Variants in ABCC4 observed in about 807,000 individuals in gnomAD.
ABCC4 encodes ATP-binding cassette sub-family C member 4.
A neutral mutation model predicts 168.5 loss-of-function variants in ABCC4; 102 were observed. That is an observed-to-expected ratio of 0.61 (90% CI 0.52 to 0.71). ABCC4 has a LOEUF of 0.71. Ranked by LOEUF, ABCC4 falls within the 30% of genes least tolerant of loss-of-function variation. ABCC4 has a pLI of 0.00. For synonymous variants in ABCC4, 617 were observed against 590.7 expected (o/e 1.04, Z -0.65); for missense variants, 1,402 against 1,605.8 (o/e 0.87, Z 2.17).
chr13:95,289,973 A>G (rs1008130318), intron 1 of ABCC4, among the ~76,000 whole-genome samples: 2 of 151,998 alleles, frequency 1.3e-5, no homozygotes, highest in African/African-American at 4.8e-5. Flanking sequence ...GCGCATGCCT[A>G]TAATCCCAGC....
intron 19 of ABCC4, among the ~76,000 whole-genome samples, chr13:95,157,575 GCT>G (rs1241853937): frequency 1.3e-5 from 2 of 152,022 alleles, no homozygotes; most frequent in Non-Finnish European, 2.9e-5. Context: ...GAGAGAACTG[GCT>G]CTTGTCATTC....
Position 95,044,346 on chromosome 13 carries a change from T to C in ABCC4, c.3549A>G (p.Gln1183=), listed in dbSNP as rs757880054. ...GAATTGCCCTGGCAAGGCACACCAG[T>C]TGTCTTTGTCCAACACTAAAATTGG... is the stretch of plus-strand genomic sequence containing the variant. The part of the protein sequence containing the change: ...SGSNFSVGQR[Q]LVCLARAILR... The change falls in exon 28 of 31, where the codon CAA becomes CAG. Residue 1183 remains glutamine (Q), a synonymous_variant. Transcript: ENST00000645237. 1.2e-6 allele frequency: 2 copies of C among 1,613,896 alleles called. No individual in the cohort carries two copies. The highest frequency in any genetic ancestry group is 1.7e-6 in the Non-Finnish European group (2 of 1,179,926).
At chr13:95,193,130 G>C (rs1840878259) in intron 9 of ABCC4, among the ~76,000 whole-genome samples, 1 of 151,684 alleles carries the variant, frequency 6.6e-6, no homozygotes, top group Non-Finnish European at 1.5e-5. Flanking sequence ...AGAGCCAAGG[G>C]CATGTAGAGA....
Position 95,219,001 on chromosome 13 carries a change from A to C in ABCC4, c.532-8220T>G, listed in dbSNP as rs13378148. The stretch of plus-strand genomic sequence containing the variant: ...AGAAAGAAAGAGTGAGAAAGAAAGA[A>C]AGAGTGAGAAAGAAAGGAAGGAAGG... On this transcript the variant is annotated intron_variant, in intron 4 of 30. Coordinates refer to ENST00000645237, the MANE Select transcript of ABCC4 (RefSeq NM_005845.5). 3.5e-5 allele frequency among the ~76,000 whole-genome samples: 4 copies of C among 115,602 alleles called. 1 individual carries two copies. In the South Asian group the frequency reaches 1.2e-3, roughly 35 times the overall value. The allele number at this position is 115,602 out of a possible 152,430, so 75.8% of individuals were successfully genotyped here. A position where few individuals can be genotyped will look rare whatever the true frequency, so the allele number is the denominator to read the frequency against.
rs1216589384 is a variant in ABCC4 at position 95,021,232 on chromosome 13, A to C, written c.*343T>G. 5.3e-6 allele frequency: 1 copy of C among 188,702 alleles called. No individual in the cohort carries two copies. Among genetic ancestry groups the C allele is most frequent in the Non-Finnish European group, 1.1e-5 (1 of 92,478 alleles). 11.7% of individuals were successfully genotyped at this position (188,702 alleles called of 1,614,324 possible). A position where few individuals can be genotyped will look rare whatever the true frequency, so the allele number is the denominator to read the frequency against. ...GAAATTAACATGTAATTTTGGGGGC[A>C]ATAAAAACAACAACAAAAACCTGTG... On this transcript the variant is annotated 3_prime_UTR_variant, in exon 31 of 31. Transcript: ENST00000645237.
chr13:95,066,762 C>T (rs140892639), intron 25 of ABCC4, among the ~76,000 whole-genome samples: 18 of 152,314 alleles, frequency 1.2e-4, no homozygotes, highest in African/African-American at 3.6e-4. Context: ...CCCATTCTGC[C>T]GATGGCCTCC....
At chr13:95,184,278 T>C (rs1290103076) in intron 11 of ABCC4, among the ~76,000 whole-genome samples, 3 of 152,230 alleles carry the variant, frequency 2.0e-5, no homozygotes, top group Non-Finnish European at 4.4e-5. Flanking sequence ...AAGGCAGAGC[T>C]GGGTGACCTG....
At chr13:95,178,227 A>T in intron 11 of ABCC4, 136 bp from the exon 12 acceptor site, 1 of 733,336 alleles carries the variant, frequency 1.4e-6, no homozygotes, top group Non-Finnish European at 2.3e-6. Context: ...GATCAACAGC[A>T]ATGGAAATAT....
At position 95,209,469 on chromosome 13, in the gene ABCC4, C is replaced by A; in HGVS notation, c.750G>T (p.Leu250Phe). 6.2e-7 allele frequency: 1 copy of A among 1,614,164 alleles called. No homozygotes were observed. The highest frequency in any genetic ancestry group is 1.3e-5 in the African/African-American group (1 of 75,068). ...AGAACAACTTCCCAAAACAGCTTTG[C>A]AAGGGCAGGAGAATGATTAGAACTG... is the stretch of plus-strand genomic sequence containing the variant. ...GMAVLIILLP[L>F]QSCFGKLFSS... The change falls in exon 6 of 31, where the codon TTG (leucine) becomes TTT (phenylalanine). Residue 250 changes from leucine (L) to phenylalanine (F), a missense_variant. Coordinates refer to ENST00000645237, the MANE Select transcript of ABCC4 (RefSeq NM_005845.5).
At chr13:95,159,919 G>A (rs1159419302) in intron 19 of ABCC4, among the ~76,000 whole-genome samples, 1 of 152,172 alleles carries the variant, frequency 6.6e-6, no homozygotes, top group African/African-American at 2.4e-5. Context: ...ACAGATACAT[G>A]GCTTCATTGT....
At chr13:95,102,774 C>T (rs559006812) in intron 20 of ABCC4, among the ~76,000 whole-genome samples, 59 of 151,482 alleles carry the variant, frequency 3.9e-4, no homozygotes, top group African/African-American at 6.5e-4. Flanking sequence ...GGGCCCGCCA[C>T]CACGCCCAGC....
intron 4 of ABCC4, among the ~76,000 whole-genome samples, chr13:95,216,389 G>C (rs868593578): frequency 6.6e-6 from 1 of 151,832 alleles, no homozygotes; most frequent in African/African-American, 2.4e-5. Context: ...GTTATAAAAG[G>C]ACACCATTAG....
intron 29 of ABCC4, among the ~76,000 whole-genome samples, chr13:95,035,514 C>A (rs1250738688): frequency 6.6e-6 from 1 of 152,180 alleles, no homozygotes; most frequent in African/African-American, 2.4e-5. Context: ...GTGATCACAG[C>A]CCACATGGCA....
chr13:95,194,751 C>T (rs1377771625), intron 9 of ABCC4, 85 bp downstream of exon 9: 3 of 1,028,882 alleles, frequency 2.9e-6, no homozygotes, highest in African/African-American at 1.6e-5. Context: ...TATTTTATAC[C>T]ATGTGTAACA....
At chr13:95,281,098 GA>G in intron 1 of ABCC4, among the ~76,000 whole-genome samples, 1 of 151,676 alleles carries the variant, frequency 6.6e-6, no homozygotes. Flanking sequence ...CTGTAAAAGA[GA>G]AAGTTCAGGC....
intron 1 of ABCC4, among the ~76,000 whole-genome samples, chr13:95,273,817 T>C (rs12877176): frequency 8.4e-6 from 1 of 119,018 alleles, no homozygotes; most frequent in Non-Finnish European, 1.7e-5. Flanking sequence ...TTTTGGTTTG[T>C]TTTTTTTTTT....
At chr13:95,195,996 G>A (rs762030533) in intron 8 of ABCC4, among the ~76,000 whole-genome samples, 6 of 151,948 alleles carry the variant, frequency 3.9e-5, no homozygotes, top group Non-Finnish European at 8.8e-5. Context: ...CCAATCTCTC[G>A]CTTATTGCTA....
chr13:95,084,486 T>G (rs565862953), intron 20 of ABCC4, among the ~76,000 whole-genome samples: 5 of 152,364 alleles, frequency 3.3e-5, no homozygotes, highest in Admixed American at 6.5e-5. Context: ...AATTAAATTT[T>G]ACATGTTTTA....
intron 21 of ABCC4, among the ~76,000 whole-genome samples, chr13:95,079,023 C>A (rs2034003058): frequency 1.3e-5 from 2 of 152,206 alleles, no homozygotes; most frequent in Non-Finnish European, 2.9e-5. Context: ...AAGCTACACA[C>A]TTTAATTCAC....
Sources: gnomAD v4.1 joint callset for allele counts (sites outside exome capture counted in the v4.1 genomes callset) on GRCh38, gnomAD v4.1.1 for gene constraint, MANE v1.5 for transcripts, NCBI Gene and HGNC (gene_info 2026-07-23, HGNC 2026-07-21) for gene names.